Variants in ZC3H12B observed in about 807,000 individuals in gnomAD.
ZC3H12B encodes the protein probable ribonuclease ZC3H12B.
ZC3H12B carries 7 observed loss-of-function variants against 43.9 expected under a neutral mutation model. The observed-to-expected ratio is 0.16, with a 90% CI of 0.09 to 0.30. The LOEUF is 0.30. ZC3H12B is among the 10% of genes least tolerant of loss of function. ZC3H12B has a pLI of 1.00. For synonymous variants in ZC3H12B, 222 were observed against 241.7 expected, an observed-to-expected ratio of 0.92 and a Z score of 0.76; for missense variants, 475 against 670.2, an observed-to-expected ratio of 0.71 and a Z score of 3.22.
chrX:65,454,761 G>A (rs1354478717), intron 3 of ZC3H12B, among the ~76,000 whole-genome samples: 1 of 111,224 alleles, frequency 9.0e-6, no homozygotes, highest in Non-Finnish European at 1.9e-5. Context: ...ACATGGCCGG[G>A]TACTCCTCTG....
rs6624787 is a variant in ZC3H12B, at chrX:65,378,847, G to A, written n.295+9849G>A. On this transcript the variant is annotated intron_variant and non_coding_transcript_variant, in intron 2 of 5. Transcript: ENST00000617377. ...TTCCTAGTCAAAGAAAGTGGTGACA[G>A]ACGGCACCTGGAAAATCGGGTCACT... Among the ~76,000 whole-genome samples the A allele has an allele frequency of 2.0e-4, 23 of 112,723 alleles. No homozygotes were observed. In the East Asian group the frequency reaches 5.0e-3, roughly 25 times the overall value.
At chrX:65,324,666 G>A in the ZC3H12B span, among the ~76,000 whole-genome samples, 5 of 111,004 alleles carry the variant, frequency 4.5e-5, 1 homozygote, top group Admixed American at 2.9e-4. Context: ...AAGTTACTTC[G>A]TATGATTTAA....
At chrX:65,118,492 G>C in the ZC3H12B span, among the ~76,000 whole-genome samples, 2 of 110,792 alleles carry the variant, frequency 1.8e-5, no homozygotes, top group African/African-American at 6.6e-5. Context: ...TAAATATTTA[G>C]AAATGTCATC....
At chrX:65,452,081 G>A (rs2067522602) in intron 3 of ZC3H12B, among the ~76,000 whole-genome samples, 1 of 111,817 alleles carries the variant, frequency 8.9e-6, no homozygotes, top group Admixed American at 9.5e-5. Context: ...ATACTCCAGT[G>A]TCAAACTAAT....
the ZC3H12B span, among the ~76,000 whole-genome samples, chrX:65,213,255 A>G: frequency 9.1e-6 from 1 of 110,316 alleles, no homozygotes; most frequent in Non-Finnish European, 1.9e-5. Flanking sequence ...CTTGCTCCCT[A>G]ATATTTTTTA....
chrX:65,102,183 A>C, the ZC3H12B span, among the ~76,000 whole-genome samples: 3 of 111,863 alleles, frequency 2.7e-5, no homozygotes, highest in African/African-American at 9.8e-5. Context: ...AAAATTCAAC[A>C]CGCCTTCAAG....
At chrX:65,211,670 ATT>A in the ZC3H12B span, among the ~76,000 whole-genome samples, 11 of 90,068 alleles carry the variant, frequency 1.2e-4, no homozygotes, top group African/African-American at 4.5e-4. Flanking sequence ...CATAATATAT[ATT>A]ATATAATTAT....
the ZC3H12B span, among the ~76,000 whole-genome samples, chrX:65,193,985 C>G: frequency 9.9e-5 from 11 of 110,629 alleles, no homozygotes; most frequent in Admixed American, 5.8e-4. Context: ...GGAGCCAACA[C>G]TTCATGTGGC....
intron 1 of ZC3H12B, among the ~76,000 whole-genome samples, chrX:65,492,503 C>T (rs938729231): frequency 9.0e-6 from 1 of 111,715 alleles, no homozygotes; most frequent in African/African-American, 3.3e-5. Context: ...TTGTTAGGAA[C>T]ATACTAAAAT....
the ZC3H12B span, among the ~76,000 whole-genome samples, chrX:65,236,592 T>C: frequency 3.6e-5 from 4 of 111,941 alleles, no homozygotes; most frequent in Non-Finnish European, 5.6e-5. Flanking sequence ...TTGCAATTGC[T>C]TTTGGCATTT....
the ZC3H12B span, among the ~76,000 whole-genome samples, chrX:65,162,742 C>T: frequency 4.6e-5 from 5 of 109,489 alleles, no homozygotes; most frequent in African/African-American, 1.4e-4. Context: ...GTAGTTTGAT[C>T]GTCTGAAGCC....
the ZC3H12B span, among the ~76,000 whole-genome samples, chrX:65,239,537 G>T: frequency 1.8e-5 from 2 of 110,611 alleles, no homozygotes; most frequent in East Asian, 2.8e-4. Flanking sequence ...TATCCAGCTT[G>T]CCATTCTATG....
chrX:65,262,137 T>A, the ZC3H12B span, among the ~76,000 whole-genome samples: 7 of 111,281 alleles, frequency 6.3e-5, no homozygotes, highest in African/African-American at 2.3e-4. Flanking sequence ...TTCCCAAATA[T>A]AACCTACTAT....
chrX:65,244,033 G>A, the ZC3H12B span, among the ~76,000 whole-genome samples: 1 of 110,628 alleles, frequency 9.0e-6, no homozygotes, highest in Admixed American at 9.6e-5. Flanking sequence ...ATAGTTAGAG[G>A]GTAAAAGACC....
At chrX:65,373,403 A>G (rs1420194401) in intron 2 of ZC3H12B, among the ~76,000 whole-genome samples, 1 of 111,728 alleles carries the variant, frequency 9.0e-6, no homozygotes, top group Non-Finnish European at 1.9e-5. Context: ...ATATACCCAA[A>G]GGATTATAAA....
chrX:65,070,610 C>G, the ZC3H12B span, among the ~76,000 whole-genome samples: 1 of 110,449 alleles, frequency 9.1e-6, no homozygotes, highest in Non-Finnish European at 1.9e-5. Flanking sequence ...TTAGCTGTGT[C>G]CCAGAGATTC....
chrX:65,299,745 G>C, the ZC3H12B span, among the ~76,000 whole-genome samples: 36 of 112,352 alleles, frequency 3.2e-4, 1 homozygote, highest in Non-Finnish European at 5.6e-4. Context: ...AACTACTTCG[G>C]GAAAAGGAAA....
At chrX:65,219,817 C>G in the ZC3H12B span, among the ~76,000 whole-genome samples, 2 of 106,196 alleles carry the variant, frequency 1.9e-5, no homozygotes, top group East Asian at 6.0e-4. Flanking sequence ...CATACACACA[C>G]ACACACACAC....
chrX:65,497,949 G>A (rs1487283627), intron 2 of ZC3H12B, among the ~76,000 whole-genome samples: 1 of 111,400 alleles, frequency 9.0e-6, no homozygotes, highest in East Asian at 2.8e-4. Flanking sequence ...TGTCACCTAG[G>A]CTAGAATGCC....
Sources: gnomAD v4.1 joint callset for allele counts (sites outside exome capture counted in the v4.1 genomes callset) on GRCh38, gnomAD v4.1.1 for gene constraint, MANE v1.5 for transcripts, NCBI Gene and HGNC (gene_info 2026-07-23, HGNC 2026-07-21) for gene names.